Variants in ZNF560 observed in about 807,000 individuals in gnomAD.
ZNF560 encodes the protein zinc finger protein 560.
Under a neutral mutation model 81.8 loss-of-function variants are expected in ZNF560, and 54 were observed. The ratio of observed to expected loss-of-function variants is 0.66; its 90% CI spans 0.53 to 0.83. The LOEUF (loss-of-function observed/expected upper bound fraction) is 0.83. Among genes scored for constraint, ZNF560 ranks in the 40% least tolerant of loss-of-function variants. The pLI, the probability that ZNF560 is intolerant of heterozygous loss-of-function variation, is 0.00. For synonymous variants in ZNF560, 321 were observed against 317.9 expected (o/e 1.01, Z -0.10); for missense variants, 940 against 932.4 (o/e 1.01, Z -0.11).
intron 9 of ZNF560, among the ~76,000 whole-genome samples, chr19:9,468,817 C>T (rs572488031): frequency 6.6e-6 from 1 of 151,516 alleles, no homozygotes; most frequent in East Asian, 1.9e-4. Context: ...GCAACCTCCA[C>T]CTCCTGGGTT....
intron 8 of ZNF560, 103 bp downstream of exon 8, chr19:9,469,527 T>C: frequency 1.9e-6 from 2 of 1,025,884 alleles, no homozygotes; most frequent in Non-Finnish European, 3.0e-6. Context: ...CCAAGTCCAG[T>C]GGACAGCCTT....
At position 9,471,295 on chromosome 19, in the gene ZNF560, C is replaced by T. The variant is rs761411427; in HGVS notation, c.321+1G>A. On this transcript the variant is annotated splice_donor_variant, in intron 6 of 9. Transcript: ENST00000301480. LOFTEE classifies it high-confidence loss of function. Reference sequence around the variant, plus strand: ...TAAGAAATACCCTTTCTTAACATTACCATTTGTATCCCATTAGAAGTTTGT... The same window carrying T: ...TAAGAAATACCCTTTCTTAACATTATCATTTGTATCCCATTAGAAGTTTGT... The T allele has an allele frequency of 6.3e-7, 1 of 1,574,972 alleles. No individual in the cohort carries two copies. Among genetic ancestry groups the T allele is most frequent in the South Asian group, 1.2e-5 (1 of 83,738 alleles).
At chr19:9,465,550 G>C (rs2073002034), downstream of ZNF560, among the ~76,000 whole-genome samples, 3 of 152,162 alleles carry the variant, frequency 2.0e-5, no homozygotes, top group South Asian at 6.2e-4. Flanking sequence ...AGCATCATCA[G>C]AGTGTAAGTT....
chr19:9,452,554 G>A, the ZNF560 span, among the ~76,000 whole-genome samples: 4 of 152,272 alleles, frequency 2.6e-5, no homozygotes, highest in South Asian at 8.3e-4. Flanking sequence ...TATACACCAT[G>A]GAATACTACG....
chr19:9,471,260 G>C, intron 6 of ZNF560, 36 bp downstream of exon 6: 1 of 1,445,076 alleles, frequency 6.9e-7, no homozygotes, highest in Non-Finnish European at 9.5e-7. Context: ...TATTCTCTGA[G>C]TGTGAAAAAT....
At chr19:9,458,834 G>T in the ZNF560 span, among the ~76,000 whole-genome samples, 23 of 152,334 alleles carry the variant, frequency 1.5e-4, no homozygotes, top group African/African-American at 5.1e-4. Flanking sequence ...CTTGCCAAAT[G>T]ATTCCTTGAG....
At chr19:9,464,294 A>G (rs2072980992), downstream of ZNF560, among the ~76,000 whole-genome samples, 1 of 152,212 alleles carries the variant, frequency 6.6e-6, no homozygotes, top group African/African-American at 2.4e-5. Context: ...AATAGGTCAT[A>G]CTGCCAATCA....
At chr19:9,481,835 A>C (rs1256725417) in intron 2 of ZNF560, among the ~76,000 whole-genome samples, 1 of 152,248 alleles carries the variant, frequency 6.6e-6, no homozygotes, top group African/African-American at 2.4e-5. Flanking sequence ...GGGAGTGTAA[A>C]CTAGTTCAAC....
At chr19:9,464,051 AAAGAATCACC>A (rs1422497620), downstream of ZNF560, among the ~76,000 whole-genome samples, 9 of 152,180 alleles carry the variant, frequency 5.9e-5, no homozygotes, top group African/African-American at 1.9e-4. Flanking sequence ...AGAACCACAG[AAAGAATCACC>A]AAGAAACAAC....
upstream of ZNF560, among the ~76,000 whole-genome samples, chr19:9,502,896 G>A (rs1000706605): frequency 9.9e-5 from 15 of 152,128 alleles, no homozygotes; most frequent in Admixed American, 2.0e-4. Flanking sequence ...ATTGCAAAGA[G>A]TAACTTTTAG....
At chr19:9,479,940 A>C (rs1162719002) in intron 2 of ZNF560, among the ~76,000 whole-genome samples, 3 of 152,342 alleles carry the variant, frequency 2.0e-5, no homozygotes, top group Admixed American at 6.5e-5. Context: ...GGATGACTAC[A>C]TATGCCAACA....
chr19:9,489,657 T>G (rs2073440917), intron 2 of ZNF560, among the ~76,000 whole-genome samples: 3 of 152,034 alleles, frequency 2.0e-5, no homozygotes, highest in African/African-American at 4.8e-5. Flanking sequence ...TGGCGTGACC[T>G]CGGCTCACCG....
At chr19:9,460,086 C>G in the ZNF560 span, among the ~76,000 whole-genome samples, 4 of 152,026 alleles carry the variant, frequency 2.6e-5, no homozygotes, top group Non-Finnish European at 5.9e-5. Context: ...TTGTGTTTCT[C>G]CAGGACAGAA....
In ZNF560 at chr19:9,466,722, C is replaced by T. The variant is rs1568448668; in HGVS notation, c.2225G>A (p.Cys742Tyr). ...ACGGAAGGCCTTCCCACATTCCTTACATTTATAGGGCTTCTCTCCAGTGTG... is the reference window on the plus strand; with the variant it reads ...ACGGAAGGCCTTCCCACATTCCTTATATTTATAGGGCTTCTCTCCAGTGTG... ...RIHTGEKPYKCKECGKAFRTS... is the reference protein window; with the variant it reads ...RIHTGEKPYKYKECGKAFRTS... Residue 742 changes from cysteine (C) to tyrosine (Y), a missense_variant, in exon 10 of 10, where the codon TGT becomes TAT. Cys to Tyr is a radical substitution (Grantham distance 194, BLOSUM62 -2). Coordinates refer to ENST00000301480, the MANE Select transcript of ZNF560 (RefSeq NM_152476.3). The T allele has an allele frequency of 4.3e-6, 7 of 1,614,002 alleles. No homozygotes were observed. In the African/African-American group the frequency reaches 5.3e-5, roughly 12 times the overall value.
intron 5 of ZNF560, 24 bp from the exon 6 acceptor site, chr19:9,471,402 G>GTTTTT: frequency 1.7e-6 from 2 of 1,190,912 alleles, no homozygotes; most frequent in Non-Finnish European, 1.1e-6. Flanking sequence ...ATAAACTGAG[G>GTTTTT]TTTTTTTTTT....
At chr19:9,451,679 C>T in the ZNF560 span, among the ~76,000 whole-genome samples, 2 of 152,096 alleles carry the variant, frequency 1.3e-5, no homozygotes, top group African/African-American at 4.8e-5. Flanking sequence ...AGTTAGACAA[C>T]CTACAAAAGA....
Position 9,469,617 on chromosome 19 carries a change from C to T in ZNF560, c.529+13G>A, listed in dbSNP as rs139079673. On this transcript the variant is annotated intron_variant, in intron 8 of 9. Coordinates refer to ENST00000301480, the MANE Select transcript of ZNF560 (RefSeq NM_152476.3). The stretch of plus-strand genomic sequence containing the variant: ...CTTCTCATGGACCAGGGTTGTTCTT[C>T]ACAAACACTCACCTTGGAGAACTCT... 5,179 of 1,613,472 alleles carry T rather than the reference C, an allele frequency of 3.2e-3. 81 individuals carry two copies. In the Admixed American group the frequency reaches 0.037, roughly 12 times the overall value.
At chr19:9,494,944 CAAA>C (rs1475180889) in intron 2 of ZNF560, among the ~76,000 whole-genome samples, 1 of 151,730 alleles carries the variant, frequency 6.6e-6, no homozygotes, top group Non-Finnish European at 1.5e-5. Flanking sequence ...AACAAACAAA[CAAA>C]AAACCTGCTG....
intron 6 of ZNF560, 104 bp downstream of exon 6, chr19:9,471,192 G>C (rs1202832514): frequency 2.5e-6 from 2 of 791,776 alleles, no homozygotes; most frequent in East Asian, 5.7e-5. Flanking sequence ...TCCCTCTTGA[G>C]TGAATGCTAT....
Sources: gnomAD v4.1 joint callset for allele counts (sites outside exome capture counted in the v4.1 genomes callset) on GRCh38, gnomAD v4.1.1 for gene constraint, MANE v1.5 for transcripts, NCBI Gene and HGNC (gene_info 2026-07-23, HGNC 2026-07-21) for gene names.